NPAS3: variants seen among roughly 807,000 people sequenced by gnomAD.
NPAS3 encodes neuronal PAS domain-containing protein 3.
In NPAS3, 14 loss-of-function variants were observed where a neutral mutation model predicts 73.1. That is an observed-to-expected ratio of 0.19 (90% CI 0.13 to 0.30). The LOEUF is 0.30. Among genes scored for constraint, NPAS3 ranks in the 10% least tolerant of loss-of-function variants. NPAS3 has a pLI of 1.00. For synonymous variants in NPAS3, 620 were observed against 541.5 expected, an observed-to-expected ratio of 1.14 and a Z score of -2.01; for missense variants, 1,096 against 1,250.0, an observed-to-expected ratio of 0.88 and a Z score of 1.86.
intron 1 of NPAS3, among the ~76,000 whole-genome samples, chr14:33,008,940 A>T (rs536905528): frequency 6.6e-6 from 1 of 152,262 alleles, no homozygotes; most frequent in Non-Finnish European, 1.5e-5. Context: ...ATTTTGCAAC[A>T]TGCTACCTTC....
intron 3 of NPAS3, among the ~76,000 whole-genome samples, chr14:33,301,311 T>A (rs1183315656): frequency 1.0e-5 from 1 of 98,418 alleles, no homozygotes; most frequent in Non-Finnish European, 2.0e-5. Flanking sequence ...TATCATTATA[T>A]ATATATATAT....
intron 4 of NPAS3, among the ~76,000 whole-genome samples, chr14:33,475,800 A>G (rs1211639581): frequency 6.6e-6 from 1 of 152,126 alleles, no homozygotes; most frequent in Non-Finnish European, 1.5e-5. Context: ...CCTCCCACTG[A>G]GAGGGAAGCA....
At chr14:32,985,500 T>C (rs1431760551) in intron 1 of NPAS3, among the ~76,000 whole-genome samples, 1 of 152,224 alleles carries the variant, frequency 6.6e-6, no homozygotes, top group East Asian at 1.9e-4. Context: ...TTGTTTTCTG[T>C]AAATAATTTA....
intron 2 of NPAS3, among the ~76,000 whole-genome samples, chr14:33,097,904 C>A (rs565845057): frequency 1.1e-4 from 16 of 152,088 alleles, no homozygotes; most frequent in Admixed American, 2.0e-4. Context: ...AGATACAGAT[C>A]TTTTTATACT....
chr14:33,058,653 A>C (rs2138555204), intron 2 of NPAS3, among the ~76,000 whole-genome samples: 1 of 152,354 alleles, frequency 6.6e-6, no homozygotes, highest in East Asian at 1.9e-4. Flanking sequence ...AAGAGAACAG[A>C]AAATTTTATT....
chr14:33,799,651 C>G, intron 11 of NPAS3, 83 bp from the exon 12 acceptor site: 1 of 1,470,326 alleles, frequency 6.8e-7, no homozygotes, highest in East Asian at 2.5e-5. Context: ...CTGCAGGTGA[C>G]AGGCTGGGTC....
At chr14:33,103,520 G>A (rs750525668) in intron 2 of NPAS3, among the ~76,000 whole-genome samples, 1 of 152,128 alleles carries the variant, frequency 6.6e-6, no homozygotes, top group Admixed American at 6.6e-5. Flanking sequence ...CATTTATAGC[G>A]ATGATCCAGT....
At chr14:33,775,268 C>A (rs914776363) in intron 8 of NPAS3, among the ~76,000 whole-genome samples, 1 of 152,074 alleles carries the variant, frequency 6.6e-6, no homozygotes, top group East Asian at 1.9e-4. Context: ...CAGGGAGGGC[C>A]GTGGAGAGGA....
At chr14:33,532,603 G>A (rs1031184011) in intron 4 of NPAS3, among the ~76,000 whole-genome samples, 11 of 152,062 alleles carry the variant, frequency 7.2e-5, no homozygotes, top group Admixed American at 3.3e-4. Context: ...CCCTGACTCT[G>A]GAAGTTCTCT....
At chr14:33,496,248 C>G (rs1246918446) in intron 4 of NPAS3, among the ~76,000 whole-genome samples, 1 of 152,062 alleles carries the variant, frequency 6.6e-6, no homozygotes, top group African/African-American at 2.4e-5. Flanking sequence ...GATGGATTCA[C>G]AGCCAAATTC....
chr14:33,002,913 C>T (rs1020323481), intron 1 of NPAS3, among the ~76,000 whole-genome samples: 1 of 152,084 alleles, frequency 6.6e-6, no homozygotes, highest in African/African-American at 2.4e-5. Context: ...GGGTTTGTGA[C>T]CTTGGGCAAG....
chr14:33,715,069 G>T (rs950285026), intron 6 of NPAS3, among the ~76,000 whole-genome samples: 2 of 152,146 alleles, frequency 1.3e-5, no homozygotes, highest in African/African-American at 4.8e-5. Flanking sequence ...GAGAAGCTTT[G>T]TTCAGCAGTG....
At chr14:33,422,339 A>G (rs2048389148) in intron 4 of NPAS3, among the ~76,000 whole-genome samples, 1 of 151,970 alleles carries the variant, frequency 6.6e-6, no homozygotes. Flanking sequence ...TGTCTCCATT[A>G]AATAAAAGAT....
rs1209383440 is a variant in NPAS3, at chr14:33,280,409, A to G, written c.385+64983A>G. Among the ~76,000 whole-genome samples the G allele has an allele frequency of 5.3e-5, 8 of 152,182 alleles. No homozygotes were observed. In the East Asian group the frequency reaches 1.5e-3, roughly 29 times the overall value. On this transcript the variant is annotated intron_variant, in intron 3 of 11. Coordinates refer to ENST00000356141, the Ensembl canonical transcript of NPAS3. Reference sequence around the variant, plus strand: ...AAGGTTGTTTATTACAGTTGGTCCTAAGATTAAGAGCCATGCCAATACTGA... The same window carrying G: ...AAGGTTGTTTATTACAGTTGGTCCTGAGATTAAGAGCCATGCCAATACTGA...
chr14:33,761,512 A>G (rs2062289646), intron 7 of NPAS3, among the ~76,000 whole-genome samples: 1 of 151,620 alleles, frequency 6.6e-6, no homozygotes, highest in Non-Finnish European at 1.5e-5. Context: ...CCCAGAAGAA[A>G]AAAAAAAAAA....
At chr14:33,706,733 C>T (rs1158689615) in intron 6 of NPAS3, among the ~76,000 whole-genome samples, 2 of 152,080 alleles carry the variant, frequency 1.3e-5, no homozygotes, top group East Asian at 1.9e-4. Flanking sequence ...TATTGTTCAC[C>T]CCATTTCCAG....
chr14:33,527,054 A>G (rs1454556034), intron 4 of NPAS3, among the ~76,000 whole-genome samples: 1 of 152,176 alleles, frequency 6.6e-6, no homozygotes, highest in African/African-American at 2.4e-5. Flanking sequence ...ACCAGTATTC[A>G]GTGTAGCAAA....
At chr14:33,197,271 T>TGTGTGTGTGTG (rs1466236792) in intron 2 of NPAS3, among the ~76,000 whole-genome samples, 36 of 28,960 alleles carry the variant, frequency 1.2e-3, no homozygotes, top group African/African-American at 3.2e-3. Flanking sequence ...GTGTGTGTTC[T>TGTGTGTGTGTG]TTTTCAATTG....
At chr14:33,501,491 C>A (rs2052511668) in intron 4 of NPAS3, among the ~76,000 whole-genome samples, 1 of 151,840 alleles carries the variant, frequency 6.6e-6, no homozygotes, top group Non-Finnish European at 1.5e-5. Context: ...CTCTCCTTCA[C>A]AACAATAATA....
Sources: allele counts gnomAD v4.1 joint callset (sites outside exome capture counted in the v4.1 genomes callset), GRCh38; gene constraint gnomAD v4.1.1; transcripts MANE v1.5; gene names NCBI Gene and HGNC (gene_info 2026-07-23, HGNC 2026-07-21).